DPYD: variants seen among roughly 807,000 people sequenced by gnomAD.
The protein encoded by DPYD is dihydropyrimidine dehydrogenase [NADP(+)].
DPYD carries 109 observed loss-of-function variants against 116.2 expected under a neutral mutation model. The observed-to-expected ratio is 0.94, with a 90% CI of 0.80 to 1.10. The LOEUF (loss-of-function observed/expected upper bound fraction) is 1.10, where lower values mean the gene tolerates loss of function less well. DPYD is among the 50% of genes least tolerant of loss of function. The pLI is 0.00. For missense variants in DPYD, 1,302 were observed against 1,254.5 expected (o/e 1.04, Z -0.57); for synonymous variants, 440 against 432.0 (o/e 1.02, Z -0.23).
At chr1:97,559,872 G>A (rs975993402) in intron 11 of DPYD, among the ~76,000 whole-genome samples, 12 of 152,122 alleles carry the variant, frequency 7.9e-5, no homozygotes, top group South Asian at 2.1e-4. Flanking sequence ...TTTATTGAGC[G>A]CTTTCATCAG....
chr1:97,654,821 G>A lies in DPYD; in HGVS notation c.850+24274C>T, dbSNP rs114261818. ...GTAATTTATAAAGAAAAATGGAATC[G>A]CAGTTCCATGTGGACTGAGCTCGCA... On this transcript the variant is annotated intron_variant, in intron 8 of 22. Coordinates refer to ENST00000370192, the MANE Select transcript of DPYD (RefSeq NM_000110.4). Among the ~76,000 whole-genome samples the A allele has an allele frequency of 3.3e-5, 5 of 152,182 alleles. No individual in the cohort carries two copies. The South Asian group carries it at 8.3e-4, about 25-fold the overall frequency.
intron 5 of DPYD, 54 bp downstream of exon 5, chr1:97,721,456 A>G: frequency 6.3e-7 from 1 of 1,599,900 alleles, no homozygotes; most frequent in Non-Finnish European, 8.6e-7. Context: ...TTATTTTAAG[A>G]TATTTGTGCA....
At chr1:97,721,433 C>G in intron 5 of DPYD, 77 bp downstream of exon 5, 1 of 1,567,662 alleles carries the variant, frequency 6.4e-7, no homozygotes. Context: ...CAACAGAGCA[C>G]CAAGGATTAA....
At chr1:97,109,031 G>A (rs1470857427) in intron 20 of DPYD, among the ~76,000 whole-genome samples, 2 of 152,112 alleles carry the variant, frequency 1.3e-5, no homozygotes, top group Non-Finnish European at 2.9e-5. Context: ...ATGACCTGGG[G>A]CAAGCCACTT....
intron 20 of DPYD, among the ~76,000 whole-genome samples, chr1:97,149,735 G>A (rs1654888385): frequency 6.6e-6 from 1 of 152,212 alleles, no homozygotes; most frequent in Non-Finnish European, 1.5e-5. Context: ...ATTAATCCAA[G>A]AGCAGGACCT....
At chr1:97,890,701 C>G (rs1258336585) in intron 1 of DPYD, among the ~76,000 whole-genome samples, 2 of 151,928 alleles carry the variant, frequency 1.3e-5, no homozygotes, top group African/African-American at 4.8e-5. Flanking sequence ...TAAAAAGACA[C>G]ATTTTTTTAA....
intron 18 of DPYD, among the ~76,000 whole-genome samples, chr1:97,246,114 TGACCAGG>T (rs1423934785): frequency 2.0e-5 from 3 of 152,152 alleles, no homozygotes; most frequent in Non-Finnish European, 4.4e-5. Context: ...ACTCTAAAAC[TGACCAGG>T]CACTTTGAAA....
chr1:97,701,532 C>G (rs148579104), intron 5 of DPYD, among the ~76,000 whole-genome samples: 42 of 151,820 alleles, frequency 2.8e-4, no homozygotes, highest in African/African-American at 9.2e-4. Context: ...CAGTAACTTT[C>G]TCTCCTGGAA....
At chr1:97,827,510 T>C (rs972778229) in intron 3 of DPYD, among the ~76,000 whole-genome samples, 1 of 152,048 alleles carries the variant, frequency 6.6e-6, no homozygotes, top group Non-Finnish European at 1.5e-5. Flanking sequence ...CTAAAAGTTA[T>C]TTAAAAGGCA....
intron 4 of DPYD, among the ~76,000 whole-genome samples, chr1:97,729,448 G>A (rs1663463116): frequency 6.6e-6 from 1 of 151,938 alleles, no homozygotes; most frequent in Non-Finnish European, 1.5e-5. Flanking sequence ...AGTGAACTTA[G>A]GTTCCCACTC....
chr1:97,487,307 G>A (rs1678694112), intron 13 of DPYD, among the ~76,000 whole-genome samples: 1 of 152,060 alleles, frequency 6.6e-6, no homozygotes, highest in Admixed American at 6.6e-5. Flanking sequence ...TTTTACTAAG[G>A]AGGATATATA....
At chr1:97,546,773 T>C in intron 12 of DPYD, 1 of 1,613,186 alleles carries the variant, frequency 6.2e-7, no homozygotes, top group South Asian at 1.1e-5. Flanking sequence ...ACTGTGTTTC[T>C]GAGATCAGAC....
At chr1:97,589,597 G>A (rs1186885920) in intron 10 of DPYD, among the ~76,000 whole-genome samples, 1 of 152,150 alleles carries the variant, frequency 6.6e-6, no homozygotes, top group Admixed American at 6.5e-5. Flanking sequence ...CTTCACAGCA[G>A]TATGAAAATG....
At chr1:97,801,895 T>C (rs1006438027) in intron 3 of DPYD, among the ~76,000 whole-genome samples, 3 of 151,928 alleles carry the variant, frequency 2.0e-5, no homozygotes, top group Admixed American at 6.6e-5. Flanking sequence ...GTGATAAAGA[T>C]TATTTATTTT....
chr1:97,548,565 C>T (rs1195959042), intron 12 of DPYD, among the ~76,000 whole-genome samples: 1 of 151,916 alleles, frequency 6.6e-6, no homozygotes, highest in Non-Finnish European at 1.5e-5. Context: ...AGTGAAACCC[C>T]ATCTCTACTA....
intron 2 of DPYD, among the ~76,000 whole-genome samples, chr1:97,865,127 G>A (rs1012396056): frequency 6.6e-6 from 1 of 151,858 alleles, no homozygotes; most frequent in African/African-American, 2.4e-5. Context: ...TCACCAGGGG[G>A]TTTGAGAATC....
chr1:97,824,156 G>A (rs1255457525), intron 3 of DPYD, among the ~76,000 whole-genome samples: 1 of 152,012 alleles, frequency 6.6e-6, no homozygotes, highest in African/African-American at 2.4e-5. Context: ...ATTCTGTTGG[G>A]CTTTCTAGGT....
rs1029089848 is a variant in DPYD at position 97,912,866 on chromosome 1, T to A, written c.39+8018A>T. Among the ~76,000 whole-genome samples, 6 of 152,210 alleles carry A rather than the reference T, an allele frequency of 3.9e-5. No homozygotes were observed. In the East Asian group the frequency reaches 1.2e-3, roughly 29 times the overall value. ...CCTCAATATTTGGCATAGAGAAATA[T>A]CTGAAAGAAGTCCCGCAAAGCTCTC... On this transcript the variant is annotated intron_variant, in intron 1 of 22. Transcript: ENST00000370192.
intron 14 of DPYD, among the ~76,000 whole-genome samples, chr1:97,385,306 A>G (rs1205522132): frequency 3.0e-5 from 4 of 132,210 alleles, no homozygotes; most frequent in Non-Finnish European, 6.8e-5. Flanking sequence ...AAAAAAAAAA[A>G]AAAAAAAAAA....
Sources: allele counts gnomAD v4.1 joint callset (sites outside exome capture counted in the v4.1 genomes callset), GRCh38; gene constraint gnomAD v4.1.1; transcripts MANE v1.5; gene names NCBI Gene and HGNC (gene_info 2026-07-23, HGNC 2026-07-21).